Variants in SGMS1 observed in about 807,000 individuals in gnomAD.
SGMS1 encodes sphingomyelin synthase 1, also known as phosphatidylcholine:ceramide cholinephosphotransferase 1.
In SGMS1, 13 loss-of-function variants were observed where a neutral mutation model predicts 46.2. The ratio of observed to expected loss-of-function variants is 0.28; its 90% confidence interval spans 0.18 to 0.45. The LOEUF (loss-of-function observed/expected upper bound fraction) is 0.45. Among genes scored for constraint, SGMS1 ranks in the 20% least tolerant of loss-of-function variants. The probability of loss-of-function intolerance (pLI) is 1.00; values close to 1 mark genes in which losing one functional copy is unlikely to be tolerated. For synonymous variants in SGMS1, 203 were observed against 187.8 expected (o/e 1.08, Z -0.66); for missense variants, 324 against 519.9 (o/e 0.62, Z 3.66).
At chr10:50,526,289 G>A (rs909810726) in intron 2 of SGMS1, among the ~76,000 whole-genome samples, 2 of 152,102 alleles carry the variant, frequency 1.3e-5, no homozygotes, top group African/African-American at 2.4e-5. Flanking sequence ...GGTGGTCGGT[G>A]GGGGAAGTGC....
intron 3 of SGMS1, among the ~76,000 whole-genome samples, chr10:50,494,891 C>T (rs1837598209): frequency 6.6e-6 from 1 of 151,712 alleles, no homozygotes; most frequent in African/African-American, 2.4e-5. Flanking sequence ...AAAAAATTAG[C>T]CGGGCATAGT....
chr10:50,508,391 C>T (rs1837725268), intron 3 of SGMS1, among the ~76,000 whole-genome samples: 1 of 152,164 alleles, frequency 6.6e-6, no homozygotes, highest in African/African-American at 2.4e-5. Flanking sequence ...GAGCTGCATC[C>T]TAGGGCAAGT....
chr10:50,602,037 C>G (rs754945641), intron 1 of SGMS1, among the ~76,000 whole-genome samples: 2 of 152,196 alleles, frequency 1.3e-5, no homozygotes, highest in South Asian at 2.1e-4. Context: ...GATTTTGGAG[C>G]ATTGCAGATT....
At chr10:50,595,928 T>G (rs1198753519) in intron 1 of SGMS1, among the ~76,000 whole-genome samples, 4 of 152,154 alleles carry the variant, frequency 2.6e-5, no homozygotes, top group Non-Finnish European at 4.4e-5. Flanking sequence ...AATGTTTTCC[T>G]CTGCAAAATG....
intron 2 of SGMS1, among the ~76,000 whole-genome samples, chr10:50,557,601 CA>C (rs1176246976): frequency 0.036 from 2,507 of 68,814 alleles, 64 homozygotes; most frequent in African/African-American, 0.11. Context: ...AGAAGAAATG[CA>C]AAAAAAAAAA....
rs953674560 is a variant in SGMS1 at position 50,576,428 on chromosome 10, A to G, written c.-589+13725T>C. Among the ~76,000 whole-genome samples the G allele has an allele frequency of 2.6e-5, 4 of 152,328 alleles. No homozygotes were observed. In the South Asian group the frequency reaches 8.3e-4, roughly 32 times the overall value. On this transcript the variant is annotated intron_variant, in intron 2 of 10. Transcript: ENST00000361781. ...CCACTTTCCTCCCAGCAGCCACCAC[A>G]GCTGCCACTGGAGGAGCACGCCCCT...
intron 3 of SGMS1, among the ~76,000 whole-genome samples, chr10:50,507,779 C>T (rs867470947): frequency 5.3e-5 from 8 of 152,200 alleles, no homozygotes; most frequent in South Asian, 2.1e-4. Context: ...ATTACACGCA[C>T]TTAGTGACAA....
chr10:50,595,437 C>T (rs1273440577), intron 1 of SGMS1, among the ~76,000 whole-genome samples: 1 of 152,178 alleles, frequency 6.6e-6, no homozygotes, highest in Non-Finnish European at 1.5e-5. Flanking sequence ...CTCAGCCTCC[C>T]AATGTGCTGG....
chr10:50,531,561 G>A (rs556519519), intron 2 of SGMS1, among the ~76,000 whole-genome samples: 2 of 152,180 alleles, frequency 1.3e-5, no homozygotes, highest in East Asian at 1.9e-4. Context: ...CACTACACAC[G>A]TGACAAAAGT....
intron 5 of SGMS1, among the ~76,000 whole-genome samples, chr10:50,449,639 A>ATGTG (rs1197997469): frequency 1.0e-5 from 1 of 95,334 alleles, no homozygotes; most frequent in Admixed American, 1.3e-4. Flanking sequence ...TAGTGTGTGC[A>ATGTG]CGTGTGTGTG....
chr10:50,471,347 T>C (rs1311355965), intron 3 of SGMS1, among the ~76,000 whole-genome samples: 3 of 152,150 alleles, frequency 2.0e-5, no homozygotes, highest in African/African-American at 7.2e-5. Flanking sequence ...GAGCTCAGTT[T>C]AGCAAGGAGA....
intron 6 of SGMS1, among the ~76,000 whole-genome samples, chr10:50,384,112 C>G (rs564352494): frequency 8.5e-5 from 13 of 152,152 alleles, no homozygotes; most frequent in Non-Finnish European, 1.6e-4. Context: ...CTCCAGAACT[C>G]TGAGAAACAA....
chr10:50,307,376 A>G lies in SGMS1; in HGVS notation c.1063-55T>C. 6.5e-7 allele frequency: 1 copy of G among 1,533,484 alleles called. No homozygotes were observed. Among genetic ancestry groups the G allele is most frequent in the Non-Finnish European group, 8.9e-7 (1 of 1,123,822 alleles). 95.0% of individuals were successfully genotyped at this position (1,533,484 alleles called of 1,614,324 possible). On this transcript the variant is annotated intron_variant, in intron 10 of 10. Coordinates refer to ENST00000361781, the MANE Select transcript of SGMS1 (RefSeq NM_147156.4). The surrounding 1 kb of genome is among the most constrained non-coding windows in gnomAD (Gnocchi z 4.2). ...TCTTACAATCTTTCACTTTAAGTTC[A>G]AATACTTGCCACGCTAAAATTCCCA...
intron 1 of SGMS1, among the ~76,000 whole-genome samples, chr10:50,603,367 T>C (rs1838665782): frequency 6.6e-6 from 1 of 152,218 alleles, no homozygotes; most frequent in African/African-American, 2.4e-5. Context: ...CAAATCTCTC[T>C]CTGCCGAGAG....
intron 2 of SGMS1, among the ~76,000 whole-genome samples, chr10:50,546,160 G>A (rs1397566588): frequency 6.6e-6 from 1 of 152,004 alleles, no homozygotes; most frequent in Non-Finnish European, 1.5e-5. Context: ...TGATTCTGTT[G>A]GTTGGACAAT....
intron 6 of SGMS1, among the ~76,000 whole-genome samples, chr10:50,346,122 TTATGTG>T (rs1847908186): frequency 6.6e-6 from 1 of 152,184 alleles, no homozygotes; most frequent in African/African-American, 2.4e-5. Flanking sequence ...ACATAATCCA[TTATGTG>T]AGCTTCAGCT....
chr10:50,305,942 A>G lies in SGMS1; in HGVS notation c.*1200T>C, dbSNP rs1847177190. The G allele has an allele frequency of 6.5e-6, 1 of 152,720 alleles. No homozygotes were observed. Among genetic ancestry groups the G allele is most frequent in the Admixed American group, 6.5e-5 (1 of 15,284 alleles). The allele number at this position is 152,720 out of a possible 1,614,324, so 9.5% of individuals were successfully genotyped here. A position where few individuals can be genotyped will look rare whatever the true frequency, so the allele number is the denominator to read the frequency against. On this transcript the variant is annotated 3_prime_UTR_variant, in exon 11 of 11. Transcript: ENST00000361781. ...CATATGTATGTTAGGAGTAAAACTT[A>G]GAGTTACATGCAGTTTCTGCACAAA... is the stretch of plus-strand genomic sequence containing the variant.
chr10:50,570,466 G>A (rs969660702), intron 2 of SGMS1, among the ~76,000 whole-genome samples: 1 of 152,158 alleles, frequency 6.6e-6, no homozygotes, highest in Non-Finnish European at 1.5e-5. Flanking sequence ...TATGAGTATA[G>A]CTAGTGCCAC....
intron 6 of SGMS1, among the ~76,000 whole-genome samples, chr10:50,432,366 T>C (rs1003517861): frequency 2.0e-5 from 3 of 152,248 alleles, no homozygotes; most frequent in Admixed American, 2.0e-4. Context: ...GATTTGTAAC[T>C]ACTGTATCTG....
Sources: allele counts gnomAD v4.1 joint callset (sites outside exome capture counted in the v4.1 genomes callset), GRCh38; gene constraint gnomAD v4.1.1; non-coding constraint Gnocchi (gnomAD v3.1); transcripts MANE v1.5; gene names NCBI Gene and HGNC (gene_info 2026-07-23, HGNC 2026-07-21).